The following AGAP3 variants were observed in gnomAD, a reference collection of about 807,000 sequenced individuals.
AGAP3 encodes the protein ArfGAP with GTPase domain, ankyrin repeat and PH domain 3.
Under a neutral mutation model 96.9 loss-of-function variants are expected in AGAP3, and 24 were observed. The ratio of observed to expected loss-of-function variants is 0.25; its 90% confidence interval spans 0.18 to 0.35. The LOEUF (loss-of-function observed/expected upper bound fraction) is 0.35. Among genes scored for constraint, AGAP3 ranks in the 10% least tolerant of loss-of-function variants. The probability of loss-of-function intolerance (pLI) is 1.00; values close to 1 mark genes in which losing one functional copy is unlikely to be tolerated. For missense variants in AGAP3, 876 were observed against 1,254.2 expected (o/e 0.70, Z 4.55); for synonymous variants, 563 against 536.1 (o/e 1.05, Z -0.69).
At chr7:151,128,119 G>A (rs1393697402) in intron 9 of AGAP3, among the ~76,000 whole-genome samples, 1 of 152,128 alleles carries the variant, frequency 6.6e-6, no homozygotes, top group African/African-American at 2.4e-5. Context: ...CACAGGGGGT[G>A]GAAGGCCAGG....
chr7:151,119,752 C>A (rs962813259), intron 7 of AGAP3, among the ~76,000 whole-genome samples: 36 of 152,206 alleles, frequency 2.4e-4, no homozygotes, highest in African/African-American at 8.7e-4. Context: ...CCTGCCGGGG[C>A]CCCAGGACGA....
intron 1 of AGAP3, among the ~76,000 whole-genome samples, chr7:151,116,110 G>A (rs1217009714): frequency 1.3e-5 from 2 of 152,202 alleles, no homozygotes; most frequent in Non-Finnish European, 2.9e-5. Flanking sequence ...TGGAGGTGAC[G>A]GAGATGGGGG....
intron 1 of AGAP3, among the ~76,000 whole-genome samples, chr7:151,099,712 G>A (rs566122023): frequency 6.6e-6 from 1 of 152,340 alleles, no homozygotes; most frequent in African/African-American, 2.4e-5. Context: ...CCACCTGCTA[G>A]GGGCTTCCCT....
chr7:151,125,646 C>T (rs1435120791), intron 9 of AGAP3, among the ~76,000 whole-genome samples: 1 of 152,136 alleles, frequency 6.6e-6, no homozygotes, highest in East Asian at 1.9e-4. Flanking sequence ...GTGGCCATTC[C>T]TGGCGCTTCC....
chr7:151,136,000 C>G (rs973494553), intron 11 of AGAP3, among the ~76,000 whole-genome samples: 1 of 152,186 alleles, frequency 6.6e-6, no homozygotes, highest in African/African-American at 2.4e-5. Context: ...AGGCCGGCCA[C>G]CACCCATCAT....
In AGAP3 at chr7:151,133,744, A is replaced by G. The variant is rs1800487344; in HGVS notation, c.1327-656A>G. Among the ~76,000 whole-genome samples, 1 of 152,184 alleles carries G rather than the reference A, an allele frequency of 6.6e-6. No homozygotes were observed. The highest frequency in any genetic ancestry group is 1.5e-5 in the Non-Finnish European group (1 of 68,044). ...CGCGAGGCTATACGTGGAATGTATA[A>G]ATACACTGCTGTAGGATGGTAAATA... On this transcript the variant is annotated intron_variant, in intron 10 of 17. Coordinates refer to ENST00000397238, the MANE Select transcript of AGAP3 (RefSeq NM_031946.7). The surrounding 1 kb of genome is among the most constrained non-coding windows in gnomAD (Gnocchi z 5.4).
chr7:151,097,283 C>T (rs1278519672), intron 1 of AGAP3, among the ~76,000 whole-genome samples: 1 of 151,818 alleles, frequency 6.6e-6, no homozygotes, highest in Admixed American at 6.6e-5. Flanking sequence ...GTAATCCCAG[C>T]ACTTTGGGAA....
Position 151,138,195 on chromosome 7 carries a change from C to T in AGAP3, c.1548C>T (p.Ser516=). 1 of 1,610,456 alleles carries T rather than the reference C, an allele frequency of 6.2e-7. No homozygotes were observed. The highest frequency in any genetic ancestry group is 8.5e-7 in the Non-Finnish European group (1 of 1,178,902). ...SASLHSERPL[S]SSAWAGPRPE... is the part of the protein sequence containing the mutation. Reference sequence around the variant, plus strand: ...CCCTGCACTCTGAGCGCCCCCTCAGCAGCTCGGCCTGGGCTGGCCCGCGCC... The same window carrying T: ...CCCTGCACTCTGAGCGCCCCCTCAGTAGCTCGGCCTGGGCTGGCCCGCGCC... Residue 516 remains serine, a synonymous_variant, in exon 12 of 18, where the codon AGC becomes AGT. Coordinates refer to ENST00000397238, the MANE Select transcript of AGAP3 (RefSeq NM_031946.7).
chr7:151,092,168 G>C (rs1368264665), intron 1 of AGAP3, among the ~76,000 whole-genome samples: 1 of 152,158 alleles, frequency 6.6e-6, no homozygotes, highest in Non-Finnish European at 1.5e-5. Flanking sequence ...CTTGAGCCAC[G>C]CCAGCATCCA....
chr7:151,129,351 C>T (rs1800311444), intron 10 of AGAP3, among the ~76,000 whole-genome samples: 1 of 152,158 alleles, frequency 6.6e-6, no homozygotes, highest in Non-Finnish European at 1.5e-5. Context: ...TGCCCCGCCC[C>T]GGCCCAGAAG....
intron 1 of AGAP3, among the ~76,000 whole-genome samples, chr7:151,091,217 T>C (rs6957724): frequency 0.81 from 123,464 of 152,206 alleles, 50,469 homozygotes; most frequent in East Asian, 0.98. Flanking sequence ...CCTTCAAAGA[T>C]GAGGACTGGG....
chr7:151,128,484 GA>G (rs1489787961), intron 9 of AGAP3, 95 bp from the exon 10 acceptor site: 11 of 1,010,176 alleles, frequency 1.1e-5, no homozygotes, highest in Middle Eastern at 2.1e-4. Context: ...GAGAAGCGGG[GA>G]GGGGGGAGGG....
chr7:151,127,267 C>T (rs1309712094), intron 9 of AGAP3, among the ~76,000 whole-genome samples: 2 of 152,206 alleles, frequency 1.3e-5, no homozygotes, highest in Non-Finnish European at 2.9e-5. Flanking sequence ...GCCTGCATCT[C>T]TTAGTCCCTG....
At chr7:151,112,396 C>CGTGTGTGT (rs71819427) in intron 1 of AGAP3, among the ~76,000 whole-genome samples, 1,517 of 139,936 alleles carry the variant, frequency 0.011, 11 homozygotes, top group Admixed American at 0.016. Flanking sequence ...TTCCCCGAGA[C>CGTGTGTGT]GTGTGTGTGT....
Position 151,139,437 on chromosome 7 carries a change from C to T in AGAP3, c.1667-542C>T. The T allele has an allele frequency of 6.6e-6, 1 of 152,442 alleles. No homozygotes were observed. The highest frequency in any genetic ancestry group is 1.5e-5 in the Non-Finnish European group (1 of 68,116). 9.4% of individuals were successfully genotyped at this position (152,442 alleles called of 1,614,324 possible). A position where few individuals can be genotyped will look rare whatever the true frequency, so the allele number is the denominator to read the frequency against. The stretch of plus-strand genomic sequence containing the variant: ...TGGCCTGTGCTGGCCTGCGTGAGGG[C>T]CCTCTGTTGAGTCTGGAAGGAGGAA... On this transcript the variant is annotated intron_variant, in intron 12 of 17. Coordinates refer to ENST00000397238, the MANE Select transcript of AGAP3 (RefSeq NM_031946.7). This position sits in a 1 kb window ranked among gnomAD's most constrained non-coding sequence, Gnocchi z 4.9.
At chr7:151,121,105 C>A in intron 8 of AGAP3, 1 of 159,704 alleles carries the variant, frequency 6.3e-6, no homozygotes, top group Non-Finnish European at 1.4e-5. Flanking sequence ...GGACCCTGCC[C>A]GGACAGAGCT....
intron 1 of AGAP3, among the ~76,000 whole-genome samples, chr7:151,109,514 C>T (rs1189812408): frequency 6.6e-6 from 1 of 152,184 alleles, no homozygotes; most frequent in African/African-American, 2.4e-5. Flanking sequence ...CATTGACTTC[C>T]CTTGGTGTCT....
In AGAP3 at chr7:151,123,850, C is replaced by T. The variant is rs192493553; in HGVS notation, c.1185C>T (p.Asp395=). 168 of 1,611,954 alleles carry T rather than the reference C, an allele frequency of 1.0e-4. 1 individual carries two copies. The Admixed American group carries it at 2.2e-3, about 21-fold the overall frequency. Residue 395 remains aspartate, a synonymous_variant, in exon 9 of 18, where the codon GAC becomes GAT. Coordinates refer to ENST00000397238, the MANE Select transcript of AGAP3 (RefSeq NM_031946.7). ...AGAAGGCTGCCGAGTGCAAGGTGGA[C>T]AGCATCGGGAGCGGCCGCGCCATCC... is the stretch of plus-strand genomic sequence containing the variant. ...REKKAAECKV[D]SIGSGRAIPI... is the part of the protein sequence containing the mutation.
At position 151,144,216 on chromosome 7, in the gene AGAP3, A is replaced by C; in HGVS notation, c.*273A>C. 1 of 457,060 alleles carries C rather than the reference A, an allele frequency of 2.2e-6. No individual in the cohort carries two copies. The highest frequency in any genetic ancestry group is 3.9e-6 in the Non-Finnish European group (1 of 255,752). The allele number at this position is 457,060 out of a possible 1,614,324, so 28.3% of individuals were successfully genotyped here. On this transcript the variant is annotated 3_prime_UTR_variant, in exon 18 of 18. Transcript: ENST00000397238. ...GTGCCTGTGAGGAGAGGGGAGCAGG[A>C]CCTCTCCCTCCTCCAGATCCCTGCC...
Sources: allele counts gnomAD v4.1 joint callset (sites outside exome capture counted in the v4.1 genomes callset), GRCh38; gene constraint gnomAD v4.1.1; non-coding constraint Gnocchi (gnomAD v3.1); transcripts MANE v1.5; gene names NCBI Gene and HGNC (gene_info 2026-07-23, HGNC 2026-07-21).